The following ARHGAP17 variants were observed in gnomAD, a reference collection of about 807,000 sequenced individuals.
ARHGAP17 encodes rho GTPase-activating protein 17.
ARHGAP17 carries 57 observed loss-of-function variants against 99.5 expected under a neutral mutation model. That is an observed-to-expected ratio of 0.57 (90% confidence interval 0.46 to 0.71). The LOEUF is 0.71. Among genes scored for constraint, ARHGAP17 ranks in the 30% least tolerant of loss-of-function variants. The pLI is 0.00. For missense variants in ARHGAP17, 1,000 were observed against 1,122.4 expected (o/e 0.89, Z 1.56); for synonymous variants, 417 against 429.6 (o/e 0.97, Z 0.36).
intron 1 of ARHGAP17, among the ~76,000 whole-genome samples, chr16:25,006,798 A>G (rs1299743701): frequency 6.6e-6 from 1 of 152,216 alleles, no homozygotes; most frequent in South Asian, 2.1e-4. Flanking sequence ...AATGAAGCCA[A>G]TTTGAGGAAG....
chr16:24,981,086 A>G (rs1451280547), intron 1 of ARHGAP17, among the ~76,000 whole-genome samples: 1 of 152,244 alleles, frequency 6.6e-6, no homozygotes, highest in African/African-American at 2.4e-5. Flanking sequence ...GAAAGTTAGT[A>G]ATAGCTCAGA....
At chr16:24,977,451 C>G in intron 2 of ARHGAP17, 132 bp from the exon 3 acceptor site, 2 of 624,342 alleles carry the variant, frequency 3.2e-6, no homozygotes, top group Non-Finnish European at 5.2e-6. Context: ...TGCTATCACA[C>G]TGAGTGGCGC....
At chr16:24,935,132 G>A (rs2051100370) in intron 18 of ARHGAP17, among the ~76,000 whole-genome samples, 3 of 152,110 alleles carry the variant, frequency 2.0e-5, no homozygotes, top group Admixed American at 2.0e-4. Context: ...AAGCAAAAGT[G>A]CCTCCCAGAC....
chr16:24,982,512 G>A (rs7206837), intron 1 of ARHGAP17, among the ~76,000 whole-genome samples: 40,292 of 152,044 alleles, frequency 0.27, 6,215 homozygotes, highest in East Asian at 0.5. Context: ...TGACTATGGA[G>A]TATAATACAC....
chr16:24,949,383 T>C (rs368298811), intron 13 of ARHGAP17, 21 bp downstream of exon 13: 24 of 1,599,798 alleles, frequency 1.5e-5, no homozygotes, highest in East Asian at 8.9e-5. Context: ...TCCAGAGTCA[T>C]TGTAGCTCAA....
chr16:24,978,912 G>T, intron 2 of ARHGAP17, 54 bp downstream of exon 2: 1 of 1,343,350 alleles, frequency 7.4e-7, no homozygotes, highest in South Asian at 1.4e-5. Flanking sequence ...TCTCACATAG[G>T]AATTTTTTTC....
chr16:24,945,343 AAAGAAGAAG>A (rs199638888), intron 14 of ARHGAP17, among the ~76,000 whole-genome samples: 4 of 150,988 alleles, frequency 2.6e-5, no homozygotes, highest in Non-Finnish European at 4.4e-5. Flanking sequence ...AGAAAGGAAG[AAAGAAGAAG>A]AAGAAGAAGA....
chr16:24,923,727 TAAAAA>T (rs1160793042), intron 19 of ARHGAP17, among the ~76,000 whole-genome samples: 4 of 119,908 alleles, frequency 3.3e-5, no homozygotes, highest in African/African-American at 9.9e-5. Flanking sequence ...CTCTTTTTTT[TAAAAA>T]AAAAAAAAAA....
chr16:24,991,278 A>G (rs2053032877), intron 1 of ARHGAP17, among the ~76,000 whole-genome samples: 1 of 152,212 alleles, frequency 6.6e-6, no homozygotes, highest in Admixed American at 6.5e-5. Flanking sequence ...TTGTTTAGGA[A>G]CACCATCTCA....
Position 24,952,964 on chromosome 16 carries a change from C to G in ARHGAP17, c.931G>C (p.Asp311His). The G allele has an allele frequency of 6.2e-7, 1 of 1,614,132 alleles. No homozygotes were observed. The highest frequency in any genetic ancestry group is 8.5e-7 in the Non-Finnish European group (1 of 1,180,014). ...GCATGGGGGTCTGAATAGAACTCAT[C>G]CAGGTGAGAAGTAGAACAGTCCAAA... The part of the protein sequence containing the change: ...AALDCSTSHL[D>H]EFYSDPHAVA... Residue 311 changes from aspartate (D) to histidine (H), a missense_variant, in exon 11 of 20, where the codon GAT becomes CAT. This residue lies in a region of ARHGAP17 where 472 missense variants were observed against 611.1 expected (regional missense o/e 0.77). Transcript: ENST00000289968.
intron 15 of ARHGAP17, among the ~76,000 whole-genome samples, chr16:24,943,227 C>G (rs2141195438): frequency 6.6e-6 from 1 of 152,364 alleles, no homozygotes; most frequent in South Asian, 2.1e-4. Flanking sequence ...CCAACTCAGG[C>G]CTTCACCAGC....
intron 6 of ARHGAP17, among the ~76,000 whole-genome samples, chr16:24,966,163 A>AT (rs1645275721): frequency 6.6e-6 from 1 of 152,244 alleles, no homozygotes; most frequent in African/African-American, 2.4e-5. Flanking sequence ...GCAAAGATGT[A>AT]TCGCAGGGTG....
chr16:24,984,549 G>A (rs562973597), intron 1 of ARHGAP17, among the ~76,000 whole-genome samples: 10 of 152,184 alleles, frequency 6.6e-5, no homozygotes, highest in Admixed American at 2.0e-4. Flanking sequence ...CCAGCTACTC[G>A]GGAGGCTGAG....
intron 19 of ARHGAP17, 193 bp downstream of exon 19, chr16:24,930,591 A>C (rs755837484): frequency 4.1e-6 from 4 of 976,916 alleles, no homozygotes; most frequent in Non-Finnish European, 6.5e-6. Context: ...AGCCACAGAC[A>C]ATATGTTAAC....
At chr16:24,977,655 A>G (rs1185860426) in intron 2 of ARHGAP17, among the ~76,000 whole-genome samples, 1 of 152,212 alleles carries the variant, frequency 6.6e-6, no homozygotes, top group African/African-American at 2.4e-5. Flanking sequence ...ACGTTCCACA[A>G]TTTAACTGCA....
Position 24,930,782 on chromosome 16 carries a change from A to T in ARHGAP17, c.2515+2T>A, listed in dbSNP as rs2050960207. ...AAATACGGGCATTGATGTCCTACTT[A>T]CCTGTTACTATCTTGGAAGCTGTTG... On this transcript the variant is annotated splice_donor_variant, in intron 19 of 19. Coordinates refer to ENST00000289968, the MANE Select transcript of ARHGAP17 (RefSeq NM_001006634.3). LOFTEE classifies it high-confidence loss of function. The T allele has an allele frequency of 1.2e-6, 2 of 1,614,154 alleles. No individual in the cohort carries two copies. Among genetic ancestry groups the T allele is most frequent in the Non-Finnish European group, 8.5e-7 (1 of 1,180,034 alleles).
chr16:24,970,703 G>C, intron 3 of ARHGAP17, 123 bp from the exon 4 acceptor site: 2 of 858,102 alleles, frequency 2.3e-6, no homozygotes, highest in Non-Finnish European at 3.8e-6. Flanking sequence ...GAGACAGCCT[G>C]TCTGGGTTCA....
rs192490822 is a variant in ARHGAP17, at chr16:25,010,873, G to A, written c.53+4336C>T. On this transcript the variant is annotated intron_variant, in intron 1 of 19. Coordinates refer to ENST00000289968, the MANE Select transcript of ARHGAP17 (RefSeq NM_001006634.3). ...ACTGGCCTCGCCCTCTAGGCATTTG[G>A]GTTTACAACCTTGGGTTCTCAAAAA... is the stretch of plus-strand genomic sequence containing the variant. Among the ~76,000 whole-genome samples the A allele has an allele frequency of 1.8e-4, 27 of 152,288 alleles. No homozygotes were observed. The East Asian group carries it at 4.0e-3, about 23-fold the overall frequency.
chr16:24,927,971 T>G (rs1188170645), intron 19 of ARHGAP17, among the ~76,000 whole-genome samples: 2 of 152,242 alleles, frequency 1.3e-5, no homozygotes, highest in African/African-American at 2.4e-5. Flanking sequence ...CCCAAGAGTT[T>G]ATCTTAATCC....
Sources: gnomAD v4.1 joint callset for allele counts (sites outside exome capture counted in the v4.1 genomes callset) on GRCh38, gnomAD v4.1.1 for gene constraint, gnomAD v4.1.1 regional missense constraint, MANE v1.5 for transcripts, NCBI Gene and HGNC (gene_info 2026-07-23, HGNC 2026-07-21) for gene names.